Variants in SASH1 observed in about 807,000 individuals in gnomAD.
SASH1 encodes the protein SAM and SH3 domain-containing protein 1.
In SASH1, 44 loss-of-function variants were observed where a neutral mutation model predicts 125.2. The observed-to-expected ratio is 0.35, with a 90% CI of 0.28 to 0.45. The LOEUF is 0.45. Ranked by LOEUF, SASH1 falls within the 20% of genes least tolerant of loss-of-function variation. SASH1 has a pLI of 1.00. For synonymous variants in SASH1, 639 were observed against 649.1 expected (o/e 0.98, Z 0.24); for missense variants, 1,426 against 1,614.5 (o/e 0.88, Z 2.00).
chr6:148,212,215 G>A, the SASH1 span, among the ~76,000 whole-genome samples: 1 of 152,180 alleles, frequency 6.6e-6, no homozygotes, highest in East Asian at 1.9e-4. Context: ...CAGAGCATCA[G>A]CAGGCAGGAA....
intron 1 of SASH1, among the ~76,000 whole-genome samples, chr6:148,355,833 A>G (rs187031505): frequency 1.3e-5 from 2 of 152,318 alleles, no homozygotes; most frequent in African/African-American, 4.8e-5. Context: ...ACTTTTACAT[A>G]TGCTGATTGG....
At chr6:148,443,427 T>G (rs895057393) in intron 4 of SASH1, among the ~76,000 whole-genome samples, 24 of 51,498 alleles carry the variant, frequency 4.7e-4, no homozygotes, top group Non-Finnish European at 1.2e-4. Flanking sequence ...ATTTCTTCTT[T>G]GTAGTGAATA....
At chr6:148,542,762 ATGTTGG>A (rs1274108334) in intron 17 of SASH1, among the ~76,000 whole-genome samples, 1 of 152,204 alleles carries the variant, frequency 6.6e-6, no homozygotes, top group Non-Finnish European at 1.5e-5. Flanking sequence ...AATGCATAGC[ATGTTGG>A]TGTTTATCAG....
intron 1 of SASH1, among the ~76,000 whole-genome samples, chr6:148,381,641 T>TTTTTC (rs1163700894): frequency 9.3e-5 from 13 of 140,206 alleles, no homozygotes; most frequent in African/African-American, 3.6e-4. Context: ...TTTTTTTTTT[T>TTTTTC]TTGAGACAGA....
Position 148,525,334 on chromosome 6 carries a change from T to C in SASH1, c.1253T>C (p.Leu418Pro). The change falls in exon 11 of 20, where the codon CTG becomes CCG. Residue 418 changes from leucine to proline, a missense_variant. This residue lies in a region of SASH1 where 567 missense variants were observed against 575.6 expected (regional missense o/e 0.99). Coordinates refer to ENST00000367467, the MANE Select transcript of SASH1 (RefSeq NM_015278.5). The stretch of plus-strand genomic sequence containing the variant: ...GGATTTGACTTGACGAATCGCTCTC[T>C]GCACGTTGGCAGTAATAATTCTGAC... ...FGGFDLTNRSLHVGSNNSDPM... is the reference protein window; with the variant it reads ...FGGFDLTNRSPHVGSNNSDPM... 3.1e-6 allele frequency: 5 copies of C among 1,614,170 alleles called. No individual in the cohort carries two copies. The highest frequency in any genetic ancestry group is 2.2e-5 in the South Asian group (2 of 91,078).
chr6:148,361,225 G>T (rs1583021797), intron 1 of SASH1, among the ~76,000 whole-genome samples: 1 of 152,228 alleles, frequency 6.6e-6, no homozygotes, highest in East Asian at 1.9e-4. Context: ...TGTTATGGCA[G>T]CCCCTAGGAA....
intron 1 of SASH1, among the ~76,000 whole-genome samples, chr6:148,364,456 T>C (rs1782369850): frequency 6.6e-6 from 1 of 152,126 alleles, no homozygotes; most frequent in Non-Finnish European, 1.5e-5. Context: ...ATCAGTAATT[T>C]TGAATCAAGC....
chr6:148,366,737 A>G (rs1461326500), intron 1 of SASH1, among the ~76,000 whole-genome samples: 1 of 151,406 alleles, frequency 6.6e-6, no homozygotes, highest in Non-Finnish European at 1.5e-5. Flanking sequence ...AGCTGGGATT[A>G]CAGGTACGGG....
the SASH1 span, among the ~76,000 whole-genome samples, chr6:148,242,612 T>A: frequency 6.6e-6 from 1 of 152,230 alleles, no homozygotes; most frequent in Non-Finnish European, 1.5e-5. Context: ...CGTTTATCAT[T>A]CACAAGGTTA....
At chr6:148,514,065 C>T in intron 8 of SASH1, 1 of 1,194,372 alleles carries the variant, frequency 8.4e-7, no homozygotes, top group Non-Finnish European at 1.0e-6. Flanking sequence ...AGACAGATGC[C>T]CCCACAGGCC....
intron 10 of SASH1, among the ~76,000 whole-genome samples, chr6:148,521,968 A>G (rs1780840425): frequency 6.6e-6 from 1 of 152,228 alleles, no homozygotes; most frequent in African/African-American, 2.4e-5. Context: ...GATTAATACT[A>G]TAACTCCATG....
At chr6:148,205,142 A>T in the SASH1 span, among the ~76,000 whole-genome samples, 4 of 152,136 alleles carry the variant, frequency 2.6e-5, no homozygotes, top group Admixed American at 2.6e-4. Context: ...TGCTTTTATC[A>T]CCAGTTATAA....
chr6:148,198,004 C>T, the SASH1 span, among the ~76,000 whole-genome samples: 1 of 152,164 alleles, frequency 6.6e-6, no homozygotes, highest in East Asian at 1.9e-4. Context: ...TGCCCAACAC[C>T]ACGCCTGGCT....
intron 7 of SASH1, among the ~76,000 whole-genome samples, chr6:148,475,418 A>C (rs1451423686): frequency 1.3e-5 from 2 of 152,180 alleles, no homozygotes; most frequent in Non-Finnish European, 2.9e-5. Flanking sequence ...CTAAGATGAC[A>C]CCTTGTACAC....
At chr6:148,312,147 G>A (rs6920755) in intron 1 of SASH1, among the ~76,000 whole-genome samples, 55,850 of 152,018 alleles carry the variant, frequency 0.37, 10,291 homozygotes, top group Admixed American at 0.43. Flanking sequence ...GTCGGGGGAC[G>A]AGTTGACTGT....
intron 1 of SASH1, among the ~76,000 whole-genome samples, chr6:148,326,378 T>G (rs1187735143): frequency 3.2e-4 from 12 of 37,720 alleles, no homozygotes; most frequent in African/African-American, 1.0e-3. Flanking sequence ...ATATATACAT[T>G]CTTTTCTTTT....
chr6:148,221,142 T>C, the SASH1 span, among the ~76,000 whole-genome samples: 1 of 152,246 alleles, frequency 6.6e-6, no homozygotes, highest in Non-Finnish European at 1.5e-5. Flanking sequence ...ATTGAATTGC[T>C]TGCTAAATTT....
At chr6:148,204,998 G>T in the SASH1 span, among the ~76,000 whole-genome samples, 2 of 152,252 alleles carry the variant, frequency 1.3e-5, no homozygotes, top group East Asian at 3.9e-4. Context: ...GGAGATTGGG[G>T]TATTATCTCT....
At chr6:148,273,592 C>A (rs984138196) in intron 1 of SASH1, among the ~76,000 whole-genome samples, 1 of 151,990 alleles carries the variant, frequency 6.6e-6, no homozygotes, top group Admixed American at 6.5e-5. Flanking sequence ...CCACACCCAG[C>A]CTGACCCTGT....
Sources: allele counts gnomAD v4.1 joint callset (sites outside exome capture counted in the v4.1 genomes callset), GRCh38; gene constraint gnomAD v4.1.1; regional missense constraint gnomAD v4.1.1; transcripts MANE v1.5; gene names NCBI Gene and HGNC (gene_info 2026-07-23, HGNC 2026-07-21).